COP1: variants seen among roughly 807,000 people sequenced by gnomAD.
COP1 encodes COP1 E3 ubiquitin ligase.
Under a neutral mutation model 101.3 loss-of-function variants are expected in COP1, and 24 were observed. The observed-to-expected ratio is 0.24, with a 90% CI of 0.17 to 0.33. The LOEUF (loss-of-function observed/expected upper bound fraction) is 0.33. Among genes scored for constraint, COP1 ranks in the 10% least tolerant of loss-of-function variants. COP1 has a pLI of 1.00. For synonymous variants in COP1, 347 were observed against 341.9 expected (o/e 1.01, Z -0.17); for missense variants, 663 against 906.2 (o/e 0.73, Z 3.45).
intron 1 of COP1, among the ~76,000 whole-genome samples, chr1:176,190,795 A>G (rs898465672): frequency 2.0e-5 from 3 of 152,066 alleles, no homozygotes; most frequent in Non-Finnish European, 4.4e-5. Context: ...ATATGTACAT[A>G]GTTCAATACA....
intron 18 of COP1, among the ~76,000 whole-genome samples, chr1:175,965,895 T>A (rs1651964078): frequency 6.6e-6 from 1 of 152,224 alleles, no homozygotes; most frequent in African/African-American, 2.4e-5. Context: ...TATCTGGGTT[T>A]GATTCATCAT....
intron 9 of COP1, among the ~76,000 whole-genome samples, chr1:176,104,226 A>C (rs1049377448): frequency 6.6e-6 from 1 of 152,164 alleles, no homozygotes; most frequent in African/African-American, 2.4e-5. Context: ...AAAAAAATAA[A>C]GATGAGACAA....
intron 1 of COP1, among the ~76,000 whole-genome samples, chr1:176,187,991 A>G (rs1480296881): frequency 6.6e-6 from 1 of 151,986 alleles, no homozygotes; most frequent in Non-Finnish European, 1.5e-5. Flanking sequence ...AAGAGGTCTA[A>G]AGGAATTTTA....
chr1:176,133,264 G>A (rs1689241771), intron 8 of COP1, among the ~76,000 whole-genome samples: 2 of 149,948 alleles, frequency 1.3e-5, no homozygotes, highest in Admixed American at 6.6e-5. Context: ...ACGTATATAC[G>A]TACGTATATA....
chr1:176,197,686 C>T (rs1489196928), intron 1 of COP1, among the ~76,000 whole-genome samples: 2 of 152,110 alleles, frequency 1.3e-5, no homozygotes, highest in African/African-American at 2.4e-5. Flanking sequence ...AATCCATTAA[C>T]GTACGTTCTT....
rs751448453 is a variant in COP1 at position 176,046,338 on chromosome 1, G to A, written c.1278-14C>T. The A allele has an allele frequency of 1.2e-6, 2 of 1,602,322 alleles. No homozygotes were observed. The highest frequency in any genetic ancestry group is 1.7e-6 in the Non-Finnish European group (2 of 1,176,630). ...TCAAATTCAATACTAAGGGGAAAAA[G>A]TATGTAATGACAACATTTCAGAATT... On this transcript the variant is annotated splice_polypyrimidine_tract_variant and intron_variant, in intron 11 of 19. Transcript: ENST00000367669.
chr1:176,083,686 T>G (rs1398629315), intron 10 of COP1, among the ~76,000 whole-genome samples: 1 of 75,954 alleles, frequency 1.3e-5, no homozygotes, highest in Non-Finnish European at 2.6e-5. Context: ...ATCTTTCATT[T>G]TAATAGTTGG....
At chr1:176,058,139 G>GGGT (rs1553244738) in intron 11 of COP1, among the ~76,000 whole-genome samples, 1 of 140,120 alleles carries the variant, frequency 7.1e-6, no homozygotes, top group Non-Finnish European at 1.6e-5. Flanking sequence ...GTGGGGTGGG[G>GGGT]GGGGGGTCAG....
intron 15 of COP1, among the ~76,000 whole-genome samples, chr1:176,004,010 A>T (rs1169418457): frequency 6.8e-6 from 1 of 147,280 alleles, no homozygotes; most frequent in East Asian, 2.0e-4. Context: ...ATTTGTTTGT[A>T]TCCTCTTTTA....
intron 18 of COP1, among the ~76,000 whole-genome samples, chr1:175,962,527 C>T (rs561052378): frequency 6.6e-6 from 1 of 152,252 alleles, no homozygotes; most frequent in Admixed American, 6.5e-5. Context: ...AACCTCCAAA[C>T]CGAGCCTTTT....
At chr1:176,004,723 G>A (rs1051269430) in intron 15 of COP1, among the ~76,000 whole-genome samples, 6 of 148,676 alleles carry the variant, frequency 4.0e-5, no homozygotes, top group African/African-American at 1.5e-4. Flanking sequence ...TGGTGGATAA[G>A]CTTTTTGATG....
intron 15 of COP1, among the ~76,000 whole-genome samples, chr1:176,001,898 A>C (rs745440390): frequency 6.6e-6 from 1 of 152,112 alleles, no homozygotes; most frequent in Non-Finnish European, 1.5e-5. Flanking sequence ...TCCTTTCAAT[A>C]CTTTAAACAT....
At chr1:176,154,073 C>G (rs1386553635) in intron 5 of COP1, among the ~76,000 whole-genome samples, 1 of 152,086 alleles carries the variant, frequency 6.6e-6, no homozygotes, top group Non-Finnish European at 1.5e-5. Flanking sequence ...GTGTCTCTGC[C>G]AGGTTTTGGT....
chr1:175,992,551 C>T (rs1658845798), intron 15 of COP1, among the ~76,000 whole-genome samples: 1 of 152,186 alleles, frequency 6.6e-6, no homozygotes, highest in African/African-American at 2.4e-5. Flanking sequence ...CCTAATACTG[C>T]GCTTTACCGA....
intron 11 of COP1, among the ~76,000 whole-genome samples, chr1:176,064,787 C>A (rs1675621736): frequency 6.6e-6 from 1 of 151,736 alleles, no homozygotes; most frequent in Non-Finnish European, 1.5e-5. Flanking sequence ...CTGGGCCCAG[C>A]CAATTTTTGC....
intron 18 of COP1, among the ~76,000 whole-genome samples, chr1:175,959,786 G>T (rs943021633): frequency 6.6e-6 from 1 of 152,116 alleles, no homozygotes; most frequent in Non-Finnish European, 1.5e-5. Flanking sequence ...TCCCTAGAGA[G>T]TCAACTACTA....
chr1:176,061,992 C>A (rs1674933205), intron 11 of COP1, among the ~76,000 whole-genome samples: 1 of 151,980 alleles, frequency 6.6e-6, no homozygotes, highest in Non-Finnish European at 1.5e-5. Context: ...AAGAGAAAGA[C>A]CTGATTATTA....
chr1:176,050,447 G>A (rs1189268555), intron 11 of COP1, among the ~76,000 whole-genome samples: 1 of 152,184 alleles, frequency 6.6e-6, no homozygotes, highest in Non-Finnish European at 1.5e-5. Flanking sequence ...TGGTGGATTA[G>A]TGTCCCTGGA....
chr1:176,194,046 T>G lies in COP1; in HGVS notation c.408-9354A>C, dbSNP rs188628553. On this transcript the variant is annotated intron_variant, in intron 1 of 19. Transcript: ENST00000367669. ...AAATGGAAATACACTATTGCAAAATTTTTATATTGTATATGAAATATTTGA... is the reference window on the plus strand; with the variant it reads ...AAATGGAAATACACTATTGCAAAATGTTTATATTGTATATGAAATATTTGA... Among the ~76,000 whole-genome samples the G allele has an allele frequency of 1.3e-3, 194 of 152,238 alleles. 2 individuals carry two copies. The highest frequency in any genetic ancestry group is 4.4e-3 in the African/African-American group (184 of 41,512).
Sources: allele counts gnomAD v4.1 joint callset (sites outside exome capture counted in the v4.1 genomes callset), GRCh38; gene constraint gnomAD v4.1.1; transcripts MANE v1.5; gene names NCBI Gene and HGNC (gene_info 2026-07-23, HGNC 2026-07-21).